Variants in VGLL1 observed in about 807,000 individuals in gnomAD.
VGLL1 encodes the protein transcription cofactor vestigial-like protein 1.
VGLL1 carries 4 observed loss-of-function variants against 12.0 expected under a neutral mutation model. The observed-to-expected ratio is 0.33, with a 90% confidence interval of 0.16 to 0.76. VGLL1 has a LOEUF of 0.76. Among genes scored for constraint, VGLL1 ranks in the 30% least tolerant of loss-of-function variants. VGLL1 has a pLI of 0.60. For synonymous variants in VGLL1, 87 were observed against 81.2 expected (o/e 1.07, Z -0.39); for missense variants, 204 against 208.7 (o/e 0.98, Z 0.14).
In VGLL1 at chrX:136,548,695, T is replaced by A. The variant is rs752056598; in HGVS notation, c.321T>A (p.Pro107=). 67 of 1,210,623 alleles carry A rather than the reference T, an allele frequency of 5.5e-5. No individual in the cohort carries two copies. The highest frequency in any genetic ancestry group is 7.4e-5 in the Non-Finnish European group (66 of 895,375). Residue 107 remains proline, a synonymous_variant, in exon 3 of 5, where the codon CCT becomes CCA. Coordinates refer to ENST00000370634, the MANE Select transcript of VGLL1 (RefSeq NM_016267.4). ...CCGCCAACTGCAACTTGCATGTGCC[T>A]GGTCCCATGGCTGTGAATCAGTTCT... ...NRAANCNLHV[P]GPMAVNQFSP...
At chrX:136,556,227 G>T (rs776303532) in intron 4 of VGLL1, among the ~76,000 whole-genome samples, 1 of 111,758 alleles carries the variant, frequency 8.9e-6, no homozygotes, top group African/African-American at 3.3e-5. Context: ...TGAGTAAACT[G>T]CCCGTCACAA....
intron 4 of VGLL1, among the ~76,000 whole-genome samples, chrX:136,552,455 G>T (rs1292008410): frequency 2.7e-5 from 3 of 112,112 alleles, no homozygotes; most frequent in African/African-American, 6.5e-5. Context: ...TTCTACATTT[G>T]TTTATTGTGA....
At chrX:136,535,592 C>T (rs1234377912) in intron 1 of VGLL1, among the ~76,000 whole-genome samples, 2 of 111,221 alleles carry the variant, frequency 1.8e-5, no homozygotes, top group Admixed American at 9.5e-5. Flanking sequence ...TCAAGCTCTC[C>T]ATGGGAGCCC....
chrX:136,535,022 C>T (rs1392210043), intron 1 of VGLL1, among the ~76,000 whole-genome samples: 1 of 111,900 alleles, frequency 8.9e-6, no homozygotes, highest in African/African-American at 3.3e-5. Context: ...AAGTCAGATT[C>T]GGTGATCAAA....
At chrX:136,540,921 C>T (rs773916107) in intron 2 of VGLL1, among the ~76,000 whole-genome samples, 1 of 111,856 alleles carries the variant, frequency 8.9e-6, no homozygotes, top group Admixed American at 9.5e-5. Flanking sequence ...CCTCTCTGTG[C>T]CTCAGTTTCC....
chrX:136,536,313 C>G, intron 2 of VGLL1, 79 bp downstream of exon 2: 5 of 968,893 alleles, frequency 5.2e-6, no homozygotes, highest in Non-Finnish European at 7.3e-6. Context: ...ATGTACTTGA[C>G]ACACTTGGAC....
chrX:136,553,964 A>C (rs1267573309), intron 4 of VGLL1, among the ~76,000 whole-genome samples: 1 of 112,462 alleles, frequency 8.9e-6, no homozygotes, highest in African/African-American at 3.2e-5. Flanking sequence ...AAATAGACAT[A>C]CTGGTTATAT....
rs376669931 is a variant in VGLL1 at position 136,536,048 on chromosome X, C to T, written c.28C>T (p.Arg10Trp). The part of the protein sequence containing the change: MEEMKKTAI[R>W]LPKGKQKPIK... The stretch of plus-strand genomic sequence containing the variant: ...GGAAGAAATGAAGAAGACTGCCATC[C>T]GGCTGCCCAAAGGCAAACAGAAGCC... Residue 10 changes from arginine (R) to tryptophan (W), a missense_variant, in exon 2 of 5, where the codon CGG becomes TGG. Arg to Trp is a moderately radical substitution (Grantham distance 101, BLOSUM62 -3). Transcript: ENST00000370634. 282 of 1,209,306 alleles carry T rather than the reference C, an allele frequency of 2.3e-4. No homozygotes were observed. Among genetic ancestry groups the T allele is most frequent in the Admixed American group, 3.3e-4 (15 of 45,761 alleles).
chrX:136,556,499 A>T lies in VGLL1; in HGVS notation c.737A>T (p.Asn246Ile). Residue 246 changes from asparagine (N) to isoleucine (I), a missense_variant, in exon 5 of 5, where the codon AAC (asparagine) becomes ATC (isoleucine). Physicochemically the swap from Asn to Ile is moderately radical, Grantham distance 149 (BLOSUM62 -3). Transcript: ENST00000370634. ...TPGKYSLTPP[N>I]HWGHPHRYLQ... is the part of the protein sequence containing the mutation. ...GGGAAATACTCACTTACACCACCAA[A>T]CCACTGGGGCCACCCACATCGATAC... 1 of 1,210,939 alleles carries T rather than the reference A, an allele frequency of 8.3e-7. No homozygotes were observed. Among genetic ancestry groups the T allele is most frequent in the Non-Finnish European group, 1.1e-6 (1 of 895,132 alleles).
intron 1 of VGLL1, among the ~76,000 whole-genome samples, chrX:136,533,529 G>A (rs1243498571): frequency 9.0e-6 from 1 of 111,576 alleles, no homozygotes; most frequent in Non-Finnish European, 1.9e-5. Context: ...AAGAGAGATT[G>A]CAAGCTGTGT....
At chrX:136,534,194 G>T (rs565433997) in intron 1 of VGLL1, among the ~76,000 whole-genome samples, 2 of 112,302 alleles carry the variant, frequency 1.8e-5, no homozygotes, top group Non-Finnish European at 3.8e-5. Flanking sequence ...TAGGTCTTAC[G>T]TGTAAAATTT....
chrX:136,542,461 C>G (rs1444758173), intron 2 of VGLL1, among the ~76,000 whole-genome samples: 5 of 112,073 alleles, frequency 4.5e-5, no homozygotes, highest in African/African-American at 1.6e-4. Flanking sequence ...TGTCAGAAGA[C>G]AGGATATGGT....
At chrX:136,533,266 A>G (rs1170208862) in intron 1 of VGLL1, among the ~76,000 whole-genome samples, 2 of 111,643 alleles carry the variant, frequency 1.8e-5, no homozygotes, top group African/African-American at 6.5e-5. Context: ...AAAGAAGGGC[A>G]TAGGTGGTAC....
intron 2 of VGLL1, among the ~76,000 whole-genome samples, chrX:136,547,152 C>G (rs1603309244): frequency 8.9e-6 from 1 of 112,490 alleles, no homozygotes; most frequent in Non-Finnish European, 1.9e-5. Context: ...CCCAGACATC[C>G]TCTCCAGCCG....
At chrX:136,550,630 G>A in intron 3 of VGLL1, 138 bp from the exon 4 acceptor site, 1 of 433,515 alleles carries the variant, frequency 2.3e-6, no homozygotes. Flanking sequence ...AGTTTTTGTA[G>A]CATCTGATAT....
chrX:136,556,363 A>G (rs2075901039), intron 4 of VGLL1, 88 bp from the exon 5 acceptor site: 3 of 702,381 alleles, frequency 4.3e-6, no homozygotes, highest in Non-Finnish European at 6.6e-6. Flanking sequence ...CTGACATCCC[A>G]CAGGTGTTCA....
intron 1 of VGLL1, among the ~76,000 whole-genome samples, chrX:136,534,222 T>G (rs1939277616): frequency 8.9e-6 from 1 of 112,374 alleles, no homozygotes; most frequent in African/African-American, 3.2e-5. Context: ...TTTAACAAAT[T>G]TATCCATTCA....
intron 3 of VGLL1, among the ~76,000 whole-genome samples, chrX:136,549,290 G>A (rs963734918): frequency 3.6e-5 from 4 of 111,719 alleles, no homozygotes; most frequent in Non-Finnish European, 5.6e-5. Flanking sequence ...AAAATGATGG[G>A]CTGCTGCGTA....
intron 2 of VGLL1, among the ~76,000 whole-genome samples, chrX:136,539,036 T>C (rs139542830): frequency 2.4e-4 from 27 of 111,457 alleles, no homozygotes; most frequent in African/African-American, 8.8e-4. Flanking sequence ...AGAAATGTGG[T>C]GTGTGGGATT....
Sources: gnomAD v4.1 joint callset for allele counts (sites outside exome capture counted in the v4.1 genomes callset) on GRCh38, gnomAD v4.1.1 for gene constraint, MANE v1.5 for transcripts, NCBI Gene and HGNC (gene_info 2026-07-23, HGNC 2026-07-21) for gene names.